NRP1: variants seen among roughly 807,000 people sequenced by gnomAD.
NRP1 encodes neuropilin-1.
In NRP1, 35 loss-of-function variants were observed where a neutral mutation model predicts 106.7. That is an observed-to-expected ratio of 0.33 (90% CI 0.25 to 0.43). The LOEUF is 0.43. NRP1 is among the 20% of genes least tolerant of loss of function. NRP1 has a pLI of 1.00. For synonymous variants in NRP1, 437 were observed against 417.9 expected, an observed-to-expected ratio of 1.05 and a Z score of -0.56; for missense variants, 1,024 against 1,170.4, an observed-to-expected ratio of 0.87 and a Z score of 1.83.
chr10:33,294,662 G>A (rs1845253988), intron 2 of NRP1, among the ~76,000 whole-genome samples: 1 of 151,224 alleles, frequency 6.6e-6, no homozygotes, highest in South Asian at 2.1e-4. Flanking sequence ...TGTGCTAAGA[G>A]AGCCAAGGGG....
intron 2 of NRP1, among the ~76,000 whole-genome samples, chr10:33,284,656 T>C (rs1844385092): frequency 6.6e-6 from 1 of 152,240 alleles, no homozygotes; most frequent in Non-Finnish European, 1.5e-5. Flanking sequence ...TCCCTTTTTC[T>C]TATTAGTCTT....
chr10:33,305,856 C>T (rs1846115175), intron 2 of NRP1, among the ~76,000 whole-genome samples: 1 of 152,022 alleles, frequency 6.6e-6, no homozygotes, highest in African/African-American at 2.4e-5. Context: ...GCAACTTCCG[C>T]CTCCTGGGTT....
chr10:33,297,167 C>G (rs908366408), intron 2 of NRP1, among the ~76,000 whole-genome samples: 13 of 152,228 alleles, frequency 8.5e-5, no homozygotes, highest in Non-Finnish European at 1.6e-4. Context: ...TAAATTTAGT[C>G]AAGGCTGTGG....
chr10:33,218,637 GC>G (rs1564393521), intron 8 of NRP1, among the ~76,000 whole-genome samples: 1 of 152,084 alleles, frequency 6.6e-6, no homozygotes, highest in Non-Finnish European at 1.5e-5. Context: ...GAGCCACTGC[GC>G]CCAGTCCAGG....
At chr10:33,323,358 G>A (rs545699853) in intron 2 of NRP1, among the ~76,000 whole-genome samples, 9 of 152,306 alleles carry the variant, frequency 5.9e-5, no homozygotes, top group Non-Finnish European at 1.0e-4. Context: ...TGGGCTTGAT[G>A]AGGAGGAAGA....
At chr10:33,314,903 G>A (rs1846905577) in intron 2 of NRP1, among the ~76,000 whole-genome samples, 1 of 152,216 alleles carries the variant, frequency 6.6e-6, no homozygotes, top group Non-Finnish European at 1.5e-5. Context: ...CAAGCCTGCT[G>A]TGAAGTTAAC....
At chr10:33,243,880 C>A (rs1281790044) in intron 6 of NRP1, among the ~76,000 whole-genome samples, 1 of 139,754 alleles carries the variant, frequency 7.2e-6, no homozygotes, top group Non-Finnish European at 1.5e-5. Context: ...GATTAGATGG[C>A]TAAGGGAGGG....
chr10:33,251,513 A>C (rs751901841), intron 6 of NRP1, among the ~76,000 whole-genome samples: 1 of 152,236 alleles, frequency 6.6e-6, no homozygotes, highest in Non-Finnish European at 1.5e-5. Context: ...AGAACATGGC[A>C]TAAGCAAGAA....
At chr10:33,276,145 A>G (rs999362933) in intron 2 of NRP1, among the ~76,000 whole-genome samples, 1 of 152,160 alleles carries the variant, frequency 6.6e-6, no homozygotes, top group Admixed American at 6.5e-5. Flanking sequence ...ATTTTTCAAA[A>G]TTTTTACAAT....
At chr10:33,251,077 T>C (rs1240799062) in intron 6 of NRP1, among the ~76,000 whole-genome samples, 4 of 152,166 alleles carry the variant, frequency 2.6e-5, no homozygotes, top group South Asian at 2.1e-4. Context: ...ATCCCCAGCA[T>C]TGAGGGAGGG....
intron 6 of NRP1, among the ~76,000 whole-genome samples, chr10:33,240,961 G>A (rs1840967174): frequency 6.6e-6 from 1 of 152,200 alleles, no homozygotes. Flanking sequence ...CCTGTTGGAA[G>A]CTTATCATTC....
intron 6 of NRP1, among the ~76,000 whole-genome samples, chr10:33,229,137 T>A (rs1839907505): frequency 6.6e-6 from 1 of 152,200 alleles, no homozygotes; most frequent in Admixed American, 6.5e-5. Context: ...CCATACAACA[T>A]TTGGGCTGTA....
intron 6 of NRP1, among the ~76,000 whole-genome samples, chr10:33,241,996 T>C (rs950539072): frequency 1.3e-5 from 2 of 152,186 alleles, no homozygotes; most frequent in Admixed American, 6.5e-5. Flanking sequence ...ACTAGATAAA[T>C]AGATGTTTGT....
chr10:33,183,550 G>T (rs1835820817), intron 15 of NRP1, among the ~76,000 whole-genome samples: 1 of 152,158 alleles, frequency 6.6e-6, no homozygotes, highest in African/African-American at 2.4e-5. Context: ...TGTGCCCTGT[G>T]TATTACAAAA....
At position 33,186,610 on chromosome 10, in the gene NRP1, G is replaced by A. The variant is rs1184087384; in HGVS notation, c.2063-122C>T. ...TGAGCACCAAGAACCCAAATACGTA[G>A]TGGAAAGGGATAAGTGTGCACACTT... On this transcript the variant is annotated intron_variant, in intron 13 of 16. Coordinates refer to ENST00000374867, the MANE Select transcript of NRP1 (RefSeq NM_003873.7). 3.5e-6 allele frequency: 4 copies of A among 1,155,272 alleles called. No individual in the cohort carries two copies. In the African/African-American group the frequency reaches 4.6e-5, roughly 13 times the overall value. 71.6% of individuals were successfully genotyped at this position (1,155,272 alleles called of 1,614,324 possible).
At chr10:33,216,720 GC>G (rs1344051128) in intron 8 of NRP1, among the ~76,000 whole-genome samples, 1 of 152,106 alleles carries the variant, frequency 6.6e-6, no homozygotes, top group Non-Finnish European at 1.5e-5. Flanking sequence ...GGGGTCACAG[GC>G]TTGAGCCACC....
At chr10:33,199,406 T>A (rs1298533886) in intron 11 of NRP1, among the ~76,000 whole-genome samples, 29 of 112,588 alleles carry the variant, frequency 2.6e-4, no homozygotes, top group African/African-American at 8.1e-4. Context: ...TTTTTTTTTT[T>A]TTTTTTTTTT....
chr10:33,295,434 G>A (rs1845319490), intron 2 of NRP1, among the ~76,000 whole-genome samples: 1 of 152,206 alleles, frequency 6.6e-6, no homozygotes, highest in Non-Finnish European at 1.5e-5. Flanking sequence ...CAGACCAGGT[G>A]CAGTGGCTCA....
chr10:33,319,221 T>A (rs1189425198), intron 2 of NRP1, among the ~76,000 whole-genome samples: 1 of 151,858 alleles, frequency 6.6e-6, no homozygotes, highest in Non-Finnish European at 1.5e-5. Flanking sequence ...TTAGTCAGGA[T>A]GGTCTTTATC....
Sources: allele counts gnomAD v4.1 joint callset (sites outside exome capture counted in the v4.1 genomes callset), GRCh38; gene constraint gnomAD v4.1.1; transcripts MANE v1.5; gene names NCBI Gene and HGNC (gene_info 2026-07-23, HGNC 2026-07-21).